Variants in ZNF157 observed in about 807,000 individuals in gnomAD.
ZNF157 encodes zinc finger protein 157.
In ZNF157, 8 loss-of-function variants were observed where a neutral mutation model predicts 9.4. That is an observed-to-expected ratio of 0.85 (90% CI 0.50 to 1.53). The LOEUF (loss-of-function observed/expected upper bound fraction) is 1.53. Ranked by LOEUF, ZNF157 falls within the 40% of genes most tolerant of loss-of-function variation. The pLI, the probability that ZNF157 is intolerant of heterozygous loss-of-function variation, is 0.00. For missense variants in ZNF157, 316 were observed against 385.2 expected (o/e 0.82, Z 1.50); for synonymous variants, 120 against 130.8 (o/e 0.92, Z 0.56).
At chrX:47,392,425 C>A in intron 1 of ZNF157, 1 of 113,730 alleles carries the variant, frequency 8.8e-6, no homozygotes, top group Non-Finnish European at 1.9e-5. Context: ...AATTTAGGGG[C>A]TACCCAGTTA....
chrX:47,374,927 TCTCAAGCTCCTGAC>T (rs1441081726), intron 1 of ZNF157, among the ~76,000 whole-genome samples: 1 of 100,250 alleles, frequency 1.0e-5, no homozygotes, highest in African/African-American at 3.6e-5. Context: ...GCCAGGTTGG[TCTCAAGCTCCTGAC>T]CTCAGCCTCC....
chrX:47,374,732 G>A (rs1302706934), intron 1 of ZNF157, among the ~76,000 whole-genome samples: 16 of 53,928 alleles, frequency 3.0e-4, no homozygotes, highest in Middle Eastern at 0.02. Flanking sequence ...TTTGTGAGAT[G>A]GAGTCTCGAT....
At chrX:47,399,451 T>A (rs2055924098) in intron 1 of ZNF157, among the ~76,000 whole-genome samples, 1 of 112,000 alleles carries the variant, frequency 8.9e-6, no homozygotes, top group African/African-American at 3.2e-5. Flanking sequence ...CTGGAACCAT[T>A]GCAACAAGGA....
intron 1 of ZNF157, among the ~76,000 whole-genome samples, chrX:47,371,764 C>T (rs1171639616): frequency 9.0e-6 from 1 of 111,155 alleles, no homozygotes; most frequent in African/African-American, 3.3e-5. Context: ...CGTGCCACCA[C>T]ACCTGGCTAA....
In ZNF157 at chrX:47,395,304, C is replaced by T. The variant is rs765870534; in HGVS notation, c.73-14972C>T. On this transcript the variant is annotated intron_variant, in intron 1 of 3. Coordinates refer to ENST00000377073, the MANE Select transcript of ZNF157 (RefSeq NM_003446.4). ...AGCTCAAGCTATCCTTCTGCCTTGG[C>T]GTCTTGAATAGCTGGGGCTACAGGT... is the stretch of plus-strand genomic sequence containing the variant. 4.6e-4 allele frequency among the ~76,000 whole-genome samples: 51 copies of T among 112,032 alleles called. 1 individual carries two copies. The highest frequency in any genetic ancestry group is 2.2e-3 in the East Asian group (8 of 3,558).
intron 1 of ZNF157, among the ~76,000 whole-genome samples, chrX:47,394,804 G>GT (rs775918735): frequency 1.6e-4 from 18 of 110,228 alleles, no homozygotes; most frequent in Middle Eastern, 4.6e-3. Context: ...CCTCAGCAGT[G>GT]TTTTTTTTGT....
rs756804619 is a variant in ZNF157, at chrX:47,412,761, A to G, written c.688A>G (p.Lys230Glu). The G allele has an allele frequency of 4.1e-6, 5 of 1,209,877 alleles. No individual in the cohort carries two copies. ...TGAATGTGGGAAATCTTTTGGCAGGAAGTCACAACTCATCCTACATACAAG... is the reference window on the plus strand; with the variant it reads ...TGAATGTGGGAAATCTTTTGGCAGGGAGTCACAACTCATCCTACATACAAG... ...CNECGKSFGR[K>E]SQLILHTRTH... Residue 230 changes from lysine to glutamate, a missense_variant, in exon 4 of 4, where the codon AAG becomes GAG. Around this residue, in one of 3 missense-constraint regions of ZNF157, gnomAD observed 146 missense variants for 183.8 expected, o/e 0.79. Transcript: ENST00000377073.
rs112271074 is a variant in ZNF157, at chrX:47,395,771, C to G, written c.73-14505C>G. ...CTTGAGGTCAGGAGTTTGAGACTAG[C>G]CTGGGCAACATGGTGAAAACCCATC... On this transcript the variant is annotated intron_variant, in intron 1 of 3. Transcript: ENST00000377073. 3.2e-3 allele frequency among the ~76,000 whole-genome samples: 357 copies of G among 110,246 alleles called. 1 individual carries two copies. The highest frequency in any genetic ancestry group is 5.1e-3 in the Non-Finnish European group (269 of 52,723).
At chrX:47,397,795 G>A (rs1463461359) in intron 1 of ZNF157, among the ~76,000 whole-genome samples, 1 of 110,305 alleles carries the variant, frequency 9.1e-6, no homozygotes, top group African/African-American at 3.3e-5. Flanking sequence ...TTGCTTCAGA[G>A]GCATGAGAAG....
chrX:47,384,635 CACAG>C (rs1449112913), intron 1 of ZNF157, among the ~76,000 whole-genome samples: 11 of 112,405 alleles, frequency 9.8e-5, no homozygotes, highest in Non-Finnish European at 1.7e-4. Context: ...TGGGGTGCCG[CACAG>C]ACAGATTACC....
intron 1 of ZNF157, among the ~76,000 whole-genome samples, chrX:47,394,691 A>G (rs745955128): frequency 1.6e-3 from 177 of 111,874 alleles, no homozygotes; most frequent in African/African-American, 5.6e-3. Flanking sequence ...AACTAGAAGC[A>G]CCTTTAACAT....
chrX:47,376,351 A>T (rs1348626352), intron 1 of ZNF157, among the ~76,000 whole-genome samples: 3 of 112,382 alleles, frequency 2.7e-5, no homozygotes, highest in African/African-American at 9.7e-5. Context: ...GTAATGGCTC[A>T]CACCTATAAT....
At chrX:47,400,998 G>A (rs5906389) in intron 1 of ZNF157, among the ~76,000 whole-genome samples, 12 of 111,723 alleles carry the variant, frequency 1.1e-4, no homozygotes, top group Non-Finnish European at 2.3e-4. Flanking sequence ...GGCAGTAGGA[G>A]CTGTCAGTTC....
intron 1 of ZNF157, among the ~76,000 whole-genome samples, chrX:47,372,407 C>G (rs982732388): frequency 9.1e-6 from 1 of 110,420 alleles, no homozygotes. Flanking sequence ...GAGGGTGGTG[C>G]ACCCAGAGAG....
intron 1 of ZNF157, among the ~76,000 whole-genome samples, chrX:47,404,444 C>CT (rs1255630649): frequency 9.1e-6 from 1 of 110,348 alleles, no homozygotes; most frequent in Non-Finnish European, 1.9e-5. Context: ...GGATTACAGG[C>CT]TTGAGCCACC....
chrX:47,380,753 C>A (rs1465465734), intron 1 of ZNF157, among the ~76,000 whole-genome samples: 1 of 96,546 alleles, frequency 1.0e-5, no homozygotes, highest in Admixed American at 1.1e-4. Context: ...TATTATTTTT[C>A]TTTTTTATTA....
chrX:47,376,999 A>G (rs1003783458), intron 1 of ZNF157, among the ~76,000 whole-genome samples: 1 of 111,431 alleles, frequency 9.0e-6, no homozygotes, highest in Non-Finnish European at 1.9e-5. Context: ...CGGAGACTAC[A>G]AGATTCTGAC....
chrX:47,388,175 C>A (rs201737417), intron 1 of ZNF157, among the ~76,000 whole-genome samples: 44 of 109,905 alleles, frequency 4.0e-4, no homozygotes, highest in East Asian at 8.6e-4. Context: ...CAGCCTCGAA[C>A]TACTGCACTC....
chrX:47,409,225 C>T, intron 1 of ZNF157, among the ~76,000 whole-genome samples: 1 of 112,288 alleles, frequency 8.9e-6, no homozygotes, highest in Non-Finnish European at 1.9e-5. Flanking sequence ...TTGCTAATGT[C>T]TATACATGGC....
Sources: gnomAD v4.1 joint callset for allele counts (sites outside exome capture counted in the v4.1 genomes callset) on GRCh38, gnomAD v4.1.1 for gene constraint, gnomAD v4.1.1 regional missense constraint, MANE v1.5 for transcripts, NCBI Gene and HGNC (gene_info 2026-07-23, HGNC 2026-07-21) for gene names.